The following FBLN7 variants were observed in gnomAD, a reference collection of about 807,000 sequenced individuals.
FBLN7 encodes the protein fibulin 7, also known as fibulin-7.
In FBLN7, 31 loss-of-function variants were observed where a neutral mutation model predicts 44.0. The observed-to-expected ratio is 0.70, with a 90% CI of 0.53 to 0.95. The LOEUF (loss-of-function observed/expected upper bound fraction) is 0.95, where lower values mean the gene tolerates loss of function less well. FBLN7 is among the 40% of genes least tolerant of loss of function. The probability of loss-of-function intolerance (pLI) is 0.00; values close to 1 mark genes in which losing one functional copy is unlikely to be tolerated. For synonymous variants in FBLN7, 262 were observed against 253.4 expected, an observed-to-expected ratio of 1.03 and a Z score of -0.32; for missense variants, 573 against 618.5, an observed-to-expected ratio of 0.93 and a Z score of 0.78.
intron 1 of FBLN7, among the ~76,000 whole-genome samples, chr2:112,150,028 G>A (rs1193568953): frequency 6.6e-6 from 1 of 152,192 alleles, no homozygotes; most frequent in African/African-American, 2.4e-5. Flanking sequence ...GAGGCATGGG[G>A]GATATTGGTG....
At chr2:112,181,664 T>C (rs1447728634) in intron 4 of FBLN7, 75 bp from the exon 5 acceptor site, 4 of 1,339,522 alleles carry the variant, frequency 3.0e-6, no homozygotes, top group Non-Finnish European at 3.8e-6. Flanking sequence ...TTGGTTCTGC[T>C]CCCGGCCCCT....
the FBLN7 span, among the ~76,000 whole-genome samples, chr2:112,203,513 C>T: frequency 6.6e-6 from 1 of 152,082 alleles, no homozygotes; most frequent in East Asian, 1.9e-4. Context: ...GTATGATTTA[C>T]AAAGTTGACA....
At chr2:112,191,173 A>G (rs541998918), downstream of FBLN7, among the ~76,000 whole-genome samples, 3 of 151,738 alleles carry the variant, frequency 2.0e-5, no homozygotes, top group South Asian at 6.3e-4. Context: ...TTTTCGTTTT[A>G]TTTTATTTTA....
intron 5 of FBLN7, chr2:112,182,143 C>G (rs1573830370): frequency 1.1e-5 from 5 of 467,720 alleles, no homozygotes; most frequent in Non-Finnish European, 1.9e-5. Flanking sequence ...AGCCTTGAGA[C>G]CCTCCATCCC....
Position 112,182,810 on chromosome 2 carries a change from C to G in FBLN7, c.690C>G (p.Leu230=), listed in dbSNP as rs1364248681. 1 of 1,608,942 alleles carries G rather than the reference C, an allele frequency of 6.2e-7. No homozygotes were observed. Among genetic ancestry groups the G allele is most frequent in the East Asian group, 2.2e-5 (1 of 44,656 alleles). Residue 230 remains leucine, a synonymous_variant, in exon 6 of 8, where the codon CTC becomes CTG. Coordinates refer to ENST00000331203, the MANE Select transcript of FBLN7 (RefSeq NM_153214.3). ...CTGCAGACGTGAACGAGTGTGAGCT[C>G]TACGGGCAGGAGGGGCGCCCCCGGC... is the stretch of plus-strand genomic sequence containing the variant. ...SVCQDVNECE[L]YGQEGRPRLC...
chr2:112,205,726 T>G, the FBLN7 span, among the ~76,000 whole-genome samples: 1 of 152,120 alleles, frequency 6.6e-6, no homozygotes, highest in East Asian at 1.9e-4. Context: ...TACTGTAGCT[T>G]ATAGTAATTT....
intron 3 of FBLN7, among the ~76,000 whole-genome samples, chr2:112,171,871 C>T (rs966342941): frequency 9.2e-5 from 14 of 152,212 alleles, no homozygotes; most frequent in African/African-American, 2.9e-4. Context: ...CTCAGCCTCC[C>T]GAGTAGCTGG....
chr2:112,238,514 T>G, the FBLN7 span: 5 of 1,609,694 alleles, frequency 3.1e-6, no homozygotes, highest in Non-Finnish European at 4.2e-6. Flanking sequence ...TTGGTGATAT[T>G]GCAGAGTGTC....
At chr2:112,147,862 A>G (rs2104542000) in intron 1 of FBLN7, among the ~76,000 whole-genome samples, 1 of 152,334 alleles carries the variant, frequency 6.6e-6, no homozygotes, top group African/African-American at 2.4e-5. Flanking sequence ...AGCAGCCAAC[A>G]GTAGCATCAT....
At chr2:112,214,678 A>C in the FBLN7 span, 6 of 152,118 alleles carry the variant, frequency 3.9e-5, no homozygotes, top group Non-Finnish European at 7.3e-5. Context: ...GGCGTGGCTG[A>C]AGCAGTATAC....
intron 4 of FBLN7, among the ~76,000 whole-genome samples, chr2:112,180,644 G>C (rs994324380): frequency 2.6e-5 from 4 of 152,172 alleles, no homozygotes; most frequent in Non-Finnish European, 4.4e-5. Flanking sequence ...CATGGGGCTG[G>C]GCGTGGTGGC....
the FBLN7 span, among the ~76,000 whole-genome samples, chr2:112,210,824 T>C: frequency 3.3e-5 from 5 of 152,192 alleles, no homozygotes; most frequent in Admixed American, 3.3e-4. Flanking sequence ...AAGAAGGCAC[T>C]AGATGCAGTG....
At chr2:112,233,031 T>C in the FBLN7 span, among the ~76,000 whole-genome samples, 1 of 152,216 alleles carries the variant, frequency 6.6e-6, no homozygotes. Context: ...GGACCCTCTA[T>C]ACCACCCAGG....
intron 1 of FBLN7, among the ~76,000 whole-genome samples, chr2:112,138,989 A>G (rs1680500321): frequency 9.3e-6 from 1 of 107,136 alleles, no homozygotes; most frequent in Non-Finnish European, 1.9e-5. Flanking sequence ...TCTCCAGGCC[A>G]GCGTCCCTCC....
intron 3 of FBLN7, 99 bp downstream of exon 3, chr2:112,165,270 G>C: frequency 7.0e-7 from 1 of 1,424,368 alleles, no homozygotes; most frequent in Non-Finnish European, 9.4e-7. Context: ...TTTTCTGCTT[G>C]GTTCTTTAAT....
intron 4 of FBLN7, among the ~76,000 whole-genome samples, chr2:112,180,761 A>C (rs1682940895): frequency 6.6e-6 from 1 of 151,988 alleles, no homozygotes; most frequent in Admixed American, 6.6e-5. Flanking sequence ...TCTACTAAAA[A>C]AATACAAAAA....
the FBLN7 span, among the ~76,000 whole-genome samples, chr2:112,244,359 A>G: frequency 6.6e-6 from 1 of 152,248 alleles, no homozygotes; most frequent in African/African-American, 2.4e-5. Context: ...TCTGTCTTCC[A>G]TGCATCCCTA....
chr2:112,179,810 C>T (rs1424747068), intron 4 of FBLN7, among the ~76,000 whole-genome samples: 1 of 152,156 alleles, frequency 6.6e-6, no homozygotes, highest in Admixed American at 6.5e-5. Context: ...GAAACTGAAC[C>T]ACTTCTTACA....
chr2:112,148,570 C>G (rs2104543140), intron 1 of FBLN7, among the ~76,000 whole-genome samples: 1 of 152,346 alleles, frequency 6.6e-6, no homozygotes, highest in African/African-American at 2.4e-5. Flanking sequence ...CAATTTGAGC[C>G]AAGCTCAGCT....
Sources: allele counts gnomAD v4.1 joint callset (sites outside exome capture counted in the v4.1 genomes callset), GRCh38; gene constraint gnomAD v4.1.1; transcripts MANE v1.5; gene names NCBI Gene and HGNC (gene_info 2026-07-23, HGNC 2026-07-21).